CPNE8: variants seen among roughly 807,000 people sequenced by gnomAD.
CPNE8 encodes copine 8.
Under a neutral mutation model 81.5 loss-of-function variants are expected in CPNE8, and 45 were observed. That is an observed-to-expected ratio of 0.55 (90% CI 0.44 to 0.71). The LOEUF is 0.71. CPNE8 is among the 30% of genes least tolerant of loss of function. The pLI, the probability that CPNE8 is intolerant of heterozygous loss-of-function variation, is 0.00. For missense variants in CPNE8, 594 were observed against 672.1 expected (o/e 0.88, Z 1.28); for synonymous variants, 252 against 226.3 (o/e 1.11, Z -1.02).
At chr12:38,810,988 C>A (rs1372830672) in intron 6 of CPNE8, among the ~76,000 whole-genome samples, 1 of 152,066 alleles carries the variant, frequency 6.6e-6, no homozygotes. Flanking sequence ...TTGAAGGGCT[C>A]ATGTAAGTAC....
At chr12:38,675,636 C>T in intron 18 of CPNE8, 81 bp downstream of exon 18, 1 of 898,054 alleles carries the variant, frequency 1.1e-6, no homozygotes, top group Non-Finnish European at 1.8e-6. Flanking sequence ...TCTAAAGAGA[C>T]AAGAATGGCA....
chr12:38,843,135 G>T (rs1240669802), intron 4 of CPNE8, among the ~76,000 whole-genome samples: 2 of 152,166 alleles, frequency 1.3e-5, no homozygotes, highest in East Asian at 1.9e-4. Flanking sequence ...AACAAATTTT[G>T]CAAACAACTT....
intron 3 of CPNE8, among the ~76,000 whole-genome samples, chr12:38,862,230 A>G (rs900036982): frequency 1.3e-5 from 2 of 151,808 alleles, no homozygotes; most frequent in Admixed American, 1.3e-4. Context: ...ACTGTAGGTC[A>G]AATTAGCTTG....
At chr12:38,767,494 A>C (rs1941713618) in intron 8 of CPNE8, 141 bp downstream of exon 8, 1 of 501,618 alleles carries the variant, frequency 2.0e-6, no homozygotes, top group Non-Finnish European at 3.4e-6. Context: ...CAATATTTTG[A>C]GATGCAAAAA....
At chr12:38,868,737 T>G (rs1943950233) in intron 3 of CPNE8, among the ~76,000 whole-genome samples, 1 of 152,234 alleles carries the variant, frequency 6.6e-6, no homozygotes, top group South Asian at 2.1e-4. Flanking sequence ...TTAAAATTTT[T>G]TGTTTTCTCT....
chr12:38,817,462 C>T (rs1041843968), intron 6 of CPNE8, among the ~76,000 whole-genome samples: 1 of 152,008 alleles, frequency 6.6e-6, no homozygotes, highest in Non-Finnish European at 1.5e-5. Context: ...CAGGAAGGAA[C>T]CTCATCCTTG....
chr12:38,892,822 C>T (rs796859850), intron 1 of CPNE8, among the ~76,000 whole-genome samples: 9 of 152,170 alleles, frequency 5.9e-5, no homozygotes, highest in African/African-American at 1.4e-4. Flanking sequence ...GAAAAGGCAC[C>T]GATATCTATT....
intron 13 of CPNE8, among the ~76,000 whole-genome samples, chr12:38,708,384 A>AG (rs2136703674): frequency 6.6e-6 from 1 of 152,070 alleles, no homozygotes; most frequent in Admixed American, 6.6e-5. Flanking sequence ...AGTAAAAAAA[A>AG]AATCCAAATT....
intron 16 of CPNE8, among the ~76,000 whole-genome samples, chr12:38,679,417 C>T (rs551475389): frequency 6.6e-6 from 1 of 151,920 alleles, no homozygotes; most frequent in East Asian, 1.9e-4. Flanking sequence ...TTTGTTTTAT[C>T]TTAAAAATTC....
intron 1 of CPNE8, among the ~76,000 whole-genome samples, chr12:38,883,178 T>G (rs1444345936): frequency 6.6e-6 from 1 of 152,194 alleles, no homozygotes; most frequent in Non-Finnish European, 1.5e-5. Flanking sequence ...TTAATCAAAT[T>G]CAGAGAGGTT....
rs140476892 is a variant in CPNE8, at chr12:38,852,405, G to A, written c.187-3743C>T. On this transcript the variant is annotated intron_variant, in intron 3 of 19. Transcript: ENST00000331366. Reference sequence around the variant, plus strand: ...GATCGCGCCACTGCACTCCCAGCCTGGGCAACAGAGTGAGCTCTGTCTCAA... The same window carrying A: ...GATCGCGCCACTGCACTCCCAGCCTAGGCAACAGAGTGAGCTCTGTCTCAA... Among the ~76,000 whole-genome samples the A allele has an allele frequency of 8.9e-3, 1,255 of 140,802 alleles. 17 individuals are homozygous for A. The highest frequency in any genetic ancestry group is 0.028 in the Middle Eastern group (7 of 248). 92.4% of individuals were successfully genotyped at this position (140,802 alleles called of 152,430 possible).
upstream of CPNE8, chr12:38,905,772 C>T: frequency 7.2e-7 from 1 of 1,393,114 alleles, no homozygotes; most frequent in South Asian, 1.6e-5. Flanking sequence ...GCGCGGGGAT[C>T]CCGGTTTCCC....
chr12:38,733,717 A>T (rs969782636), intron 10 of CPNE8, among the ~76,000 whole-genome samples: 7 of 151,922 alleles, frequency 4.6e-5, no homozygotes, highest in Non-Finnish European at 8.8e-5. Context: ...AGTCTGAGGG[A>T]ATGAATTAAA....
intron 4 of CPNE8, among the ~76,000 whole-genome samples, chr12:38,847,076 T>A: frequency 6.6e-6 from 1 of 152,154 alleles, no homozygotes; most frequent in East Asian, 1.9e-4. Context: ...GCATATACAT[T>A]GAGTCATTTG....
chr12:38,795,883 A>AGATAGATAGATAGAT (rs1942454676), intron 6 of CPNE8, among the ~76,000 whole-genome samples: 1 of 151,892 alleles, frequency 6.6e-6, no homozygotes, highest in Admixed American at 6.6e-5. Flanking sequence ...ATAGATAGAT[A>AGATAGATAGATAGAT]GATAGATAGA....
At chr12:38,739,974 CAT>C (rs1941053955) in intron 10 of CPNE8, among the ~76,000 whole-genome samples, 1 of 152,092 alleles carries the variant, frequency 6.6e-6, no homozygotes, top group African/African-American at 2.4e-5. Context: ...CTTTAGGAAA[CAT>C]AACACCAGGG....
At chr12:38,835,286 A>G (rs1376658928) in intron 5 of CPNE8, among the ~76,000 whole-genome samples, 3 of 152,088 alleles carry the variant, frequency 2.0e-5, no homozygotes, top group Non-Finnish European at 4.4e-5. Context: ...CTCAGTAAAT[A>G]TACACCCAAG....
At chr12:38,862,144 T>C (rs533032138) in intron 3 of CPNE8, among the ~76,000 whole-genome samples, 1 of 152,038 alleles carries the variant, frequency 6.6e-6, no homozygotes, top group South Asian at 2.1e-4. Context: ...TGCCAAATTG[T>C]AGAAATGCAA....
At chr12:38,861,804 T>TA (rs1943840218) in intron 3 of CPNE8, among the ~76,000 whole-genome samples, 1 of 152,182 alleles carries the variant, frequency 6.6e-6, no homozygotes, top group African/African-American at 2.4e-5. Context: ...CTAAGGAATC[T>TA]ACTAAAGATT....
Sources: gnomAD v4.1 joint callset for allele counts (sites outside exome capture counted in the v4.1 genomes callset) on GRCh38, gnomAD v4.1.1 for gene constraint, MANE v1.5 for transcripts, NCBI Gene and HGNC (gene_info 2026-07-23, HGNC 2026-07-21) for gene names.